Variants in PIKFYVE observed in about 807,000 individuals in gnomAD.
PIKFYVE encodes 1-phosphatidylinositol 3-phosphate 5-kinase.
A neutral mutation model predicts 257.9 loss-of-function variants in PIKFYVE; 122 were observed. That is an observed-to-expected ratio of 0.47 (90% CI 0.41 to 0.55). The LOEUF (loss-of-function observed/expected upper bound fraction) is 0.55. Ranked by LOEUF, PIKFYVE falls within the 20% of genes least tolerant of loss-of-function variation. The pLI, the probability that PIKFYVE is intolerant of heterozygous loss-of-function variation, is 0.00. For missense variants in PIKFYVE, 2,160 were observed against 2,536.6 expected, an observed-to-expected ratio of 0.85 and a Z score of 3.19; for synonymous variants, 892 against 868.9, an observed-to-expected ratio of 1.03 and a Z score of -0.47.
chr2:208,328,110 G>A lies in PIKFYVE; in HGVS notation c.3619-70G>A, dbSNP rs990932100. On this transcript the variant is annotated intron_variant, in intron 20 of 41. Transcript: ENST00000264380. The stretch of plus-strand genomic sequence containing the variant: ...TTGGAGGCTTTACAAATAGAGTGGA[G>A]TGTGTTTGGTGCATTGGGGTTGAAT... 11 of 1,609,550 alleles carry A rather than the reference G, an allele frequency of 6.8e-6. No homozygotes were observed. In the South Asian group the frequency reaches 9.9e-5, roughly 14 times the overall value.
intron 5 of PIKFYVE, among the ~76,000 whole-genome samples, chr2:208,283,566 A>G (rs1002797789): frequency 1.5e-4 from 23 of 152,028 alleles, no homozygotes; most frequent in Non-Finnish European, 4.4e-5. Flanking sequence ...TGCAGGGAGT[A>G]ATTTCACTTC....
At position 208,356,944 on chromosome 2, in the gene PIKFYVE, A is replaced by C; in HGVS notation, c.*1639A>C. 6.5e-6 allele frequency: 1 copy of C among 152,678 alleles called. No homozygotes were observed. The highest frequency in any genetic ancestry group is 2.1e-4 in the South Asian group (1 of 4,836). 9.5% of individuals were successfully genotyped at this position (152,678 alleles called of 1,614,324 possible). On this transcript the variant is annotated 3_prime_UTR_variant, in exon 42 of 42. Coordinates refer to ENST00000264380, the MANE Select transcript of PIKFYVE (RefSeq NM_015040.4). ...ACACAGTATGATGAATACTTGAATT[A>C]GGAACATTGTGGAAAATTTGCTTTA...
intron 12 of PIKFYVE, among the ~76,000 whole-genome samples, chr2:208,311,226 C>T (rs1694902288): frequency 6.6e-6 from 1 of 152,084 alleles, no homozygotes; most frequent in Non-Finnish European, 1.5e-5. Context: ...ATTAATTGAA[C>T]TAATAGGATT....
intron 12 of PIKFYVE, chr2:208,305,322 AT>A: frequency 8.0e-7 from 1 of 1,242,998 alleles, no homozygotes; most frequent in South Asian, 1.7e-5. Context: ...CTTTGCATTT[AT>A]AACATGGATG....
intron 17 of PIKFYVE, among the ~76,000 whole-genome samples, chr2:208,322,563 T>C (rs1360776659): frequency 6.6e-6 from 1 of 151,786 alleles, no homozygotes; most frequent in Non-Finnish European, 1.5e-5. Context: ...CTGAAACTCT[T>C]GTCAGCATAA....
Position 208,315,267 on chromosome 2 carries a change from G to C in PIKFYVE, c.1901G>C (p.Arg634Thr). ...AGTGACTCACTGTCATCATCTTGGA[G>C]GGACATCATCGTGTCATTGGTCTGC... ...LHSDSLSSSW[R>T]DIIVSLVCQV... The change falls in exon 15 of 42, where the codon AGG becomes ACG. Residue 634 changes from arginine to threonine, a missense_variant. Coordinates refer to ENST00000264380, the MANE Select transcript of PIKFYVE (RefSeq NM_015040.4). The C allele has an allele frequency of 1.2e-6, 2 of 1,614,068 alleles. No homozygotes were observed. Among genetic ancestry groups the C allele is most frequent in the Non-Finnish European group, 1.7e-6 (2 of 1,179,976 alleles).
At chr2:208,282,989 G>T (rs566263139) in intron 5 of PIKFYVE, among the ~76,000 whole-genome samples, 2 of 152,276 alleles carry the variant, frequency 1.3e-5, no homozygotes, top group African/African-American at 4.8e-5. Flanking sequence ...GATCTGACAG[G>T]AGGTGGAGCT....
chr2:208,325,598 G>T lies in PIKFYVE; in HGVS notation c.2787G>T (p.Leu929Phe), dbSNP rs760607367. The change falls in exon 20 of 42, where the codon TTG becomes TTT. Residue 929 changes from leucine to phenylalanine, a missense_variant. Physicochemically the swap from Leu to Phe is conservative, Grantham distance 22. Transcript: ENST00000264380. ...CTCTGCCCTGTGATGATAGCAGTTT[G>T]CTGGAATTGAGGATTGTGTTTGAGA... ...PESLPCDDSS[L>F]LELRIVFEKG... The T allele has an allele frequency of 5.6e-6, 9 of 1,613,928 alleles. No homozygotes were observed. The African/African-American group carries it at 1.2e-4, about 22-fold the overall frequency.
At chr2:208,318,245 A>T (rs1695786610) in intron 16 of PIKFYVE, among the ~76,000 whole-genome samples, 1 of 152,210 alleles carries the variant, frequency 6.6e-6, no homozygotes, top group Non-Finnish European at 1.5e-5. Flanking sequence ...CGTCTTAGGG[A>T]GACAGGGTTT....
rs552316710 is a variant in PIKFYVE at position 208,346,482 on chromosome 2, C to T, written c.5209+335C>T. Reference sequence around the variant, plus strand: ...TACGTTTTTTTCCTTTCTAGTTTTACAGTATTACTGGCACTATGAAAATAA... The same window carrying T: ...TACGTTTTTTTCCTTTCTAGTTTTATAGTATTACTGGCACTATGAAAATAA... On this transcript the variant is annotated intron_variant, in intron 34 of 41. Transcript: ENST00000264380. 7.9e-5 allele frequency among the ~76,000 whole-genome samples: 12 copies of T among 152,270 alleles called. No individual in the cohort carries two copies. In the East Asian group the frequency reaches 1.9e-3, roughly 24 times the overall value.
chr2:208,330,569 C>A lies in PIKFYVE; in HGVS notation c.3838C>A (p.His1280Asn). The A allele has an allele frequency of 6.2e-7, 1 of 1,614,158 alleles. No individual in the cohort carries two copies. The highest frequency in any genetic ancestry group is 8.5e-7 in the Non-Finnish European group (1 of 1,180,028). Residue 1280 changes from histidine to asparagine, a missense_variant, in exon 23 of 42, where the codon CAT becomes AAT. By Grantham distance (68) the His-to-Asn change is moderately conservative (BLOSUM62 1). Transcript: ENST00000264380. ...CATGTTCTGTGATACCCCCATGGTA[C>A]ATCATATTCGGCGCTTTGTTCATGG... The part of the protein sequence containing the change: ...PSMFCDTPMV[H>N]HIRRFVHGQG...
At chr2:208,315,054 A>G (rs552391208) in intron 14 of PIKFYVE, 139 bp from the exon 15 acceptor site, 2 of 804,010 alleles carry the variant, frequency 2.5e-6, no homozygotes, top group Non-Finnish European at 4.1e-6. Flanking sequence ...TAATGAAAGA[A>G]TGATATTGAC....
At chr2:208,348,598 AAGTGTGTGT>A (rs1427475219) in intron 35 of PIKFYVE, among the ~76,000 whole-genome samples, 1 of 63,982 alleles carries the variant, frequency 1.6e-5, no homozygotes, top group African/African-American at 7.0e-5. Context: ...AAAAAAAAAA[AAGTGTGTGT>A]GTGTGTGTGT....
chr2:208,325,728 G>T lies in PIKFYVE; in HGVS notation c.2917G>T (p.Ala973Ser). The T allele has an allele frequency of 1.2e-6, 2 of 1,613,244 alleles. No individual in the cohort carries two copies. Among genetic ancestry groups the T allele is most frequent in the Non-Finnish European group, 1.7e-6 (2 of 1,179,378 alleles). The stretch of plus-strand genomic sequence containing the variant: ...GGCGGGTCTCCCTTGTGCTTTCTTT[G>T]CACCTGTACCGGAATCATTGTTGCC... ...CPAGLPCAFFAPVPESLLPLP... is the reference protein window; with the variant it reads ...CPAGLPCAFFSPVPESLLPLP... The change falls in exon 20 of 42, where the codon GCA becomes TCA. Residue 973 changes from alanine to serine, a missense_variant. Ala to Ser is a moderately conservative substitution (Grantham distance 99, BLOSUM62 1). This residue lies in a region of PIKFYVE where 522 missense variants were observed against 514.6 expected (regional missense o/e 1.01). Transcript: ENST00000264380.
rs1293258382 is a variant in PIKFYVE at position 208,325,270 on chromosome 2, A to T, written c.2459A>T (p.Glu820Val). 6.2e-6 allele frequency: 10 copies of T among 1,613,394 alleles called. No individual in the cohort carries two copies. The highest frequency in any genetic ancestry group is 2.2e-5 in the East Asian group (1 of 44,838). Reference sequence around the variant, plus strand: ...ACTTTCTGTTTGTTTTTGTTTGTAGAACAAACCAAGACACTGATGTTTTTT... The same window carrying T: ...ACTTTCTGTTTGTTTTTGTTTGTAGTACAAACCAAGACACTGATGTTTTTT... ...FYMQIFQLPNEQTKTLMFFEG... is the reference protein window; with the variant it reads ...FYMQIFQLPNVQTKTLMFFEG... The change falls in exon 20 of 42, where the codon GAA becomes GTA. Residue 820 changes from glutamate (E) to valine (V), a missense_variant and splice_region_variant. Physicochemically the swap from Glu to Val is moderately radical, Grantham distance 121 (BLOSUM62 -2). Transcript: ENST00000264380.
At position 208,302,370 on chromosome 2, in the gene PIKFYVE, A is replaced by C; in HGVS notation, c.1320+17A>C. ...CCACTGCAGGTACTTTTCAGTGTTTACTGCCAATTAGAATGTAGCAAGCTT... is the reference window on the plus strand; with the variant it reads ...CCACTGCAGGTACTTTTCAGTGTTTCCTGCCAATTAGAATGTAGCAAGCTT... On this transcript the variant is annotated intron_variant, in intron 10 of 41. Coordinates refer to ENST00000264380, the MANE Select transcript of PIKFYVE (RefSeq NM_015040.4). The C allele has an allele frequency of 5.7e-6, 9 of 1,581,752 alleles. No homozygotes were observed. Among genetic ancestry groups the C allele is most frequent in the Middle Eastern group, 1.7e-4 (1 of 6,004 alleles).
chr2:208,298,844 T>TC (rs1381102156), intron 8 of PIKFYVE, 65 bp downstream of exon 8: 2 of 1,583,732 alleles, frequency 1.3e-6, no homozygotes, highest in Admixed American at 1.7e-5. Context: ...TGTGACTGAG[T>TC]CTTTTTTTTT....
intron 34 of PIKFYVE, among the ~76,000 whole-genome samples, chr2:208,346,864 T>C (rs921001963): frequency 6.6e-6 from 1 of 152,230 alleles, no homozygotes; most frequent in African/African-American, 2.4e-5. Flanking sequence ...TAAAAGTGTT[T>C]CATTTTTGTT....
At chr2:208,299,841 C>T (rs1693467051) in intron 8 of PIKFYVE, among the ~76,000 whole-genome samples, 1 of 152,102 alleles carries the variant, frequency 6.6e-6, no homozygotes, top group African/African-American at 2.4e-5. Context: ...GCTGTGTCCT[C>T]AAGCTTATAA....
Sources: gnomAD v4.1 joint callset for allele counts (sites outside exome capture counted in the v4.1 genomes callset) on GRCh38, gnomAD v4.1.1 for gene constraint, gnomAD v4.1.1 regional missense constraint, MANE v1.5 for transcripts, NCBI Gene and HGNC (gene_info 2026-07-23, HGNC 2026-07-21) for gene names.